Variants in MTUS2 observed in about 807,000 individuals in gnomAD.
MTUS2 encodes the protein microtubule-associated tumor suppressor candidate 2.
MTUS2 carries 40 observed loss-of-function variants against 114.1 expected under a neutral mutation model. The ratio of observed to expected loss-of-function variants is 0.35; its 90% CI spans 0.27 to 0.46. The LOEUF is 0.46. MTUS2 is among the 20% of genes least tolerant of loss of function. The probability of loss-of-function intolerance (pLI) is 1.00; values close to 1 mark genes in which losing one functional copy is unlikely to be tolerated. For synonymous variants in MTUS2, 688 were observed against 672.0 expected, an observed-to-expected ratio of 1.02 and a Z score of -0.37; for missense variants, 1,679 against 1,705.4, an observed-to-expected ratio of 0.98 and a Z score of 0.27.
chr13:29,448,753 C>CT (rs71090255), intron 9 of MTUS2, among the ~76,000 whole-genome samples: 11,874 of 115,512 alleles, frequency 0.1, 1,079 homozygotes, highest in African/African-American at 0.23. Flanking sequence ...ACAGAGTGCT[C>CT]TTTTTTTTTT....
chr13:29,047,132 G>C (rs4769670), intron 4 of MTUS2, among the ~76,000 whole-genome samples: 10,420 of 152,276 alleles, frequency 0.068, 494 homozygotes, highest in African/African-American at 0.14. Flanking sequence ...AGGATTTTGA[G>C]CATCATTCGT....
intron 2 of MTUS2, among the ~76,000 whole-genome samples, chr13:28,997,468 C>A (rs1451027008): frequency 6.6e-6 from 1 of 152,170 alleles, no homozygotes; most frequent in African/African-American, 2.4e-5. Context: ...TCTCGTTGAT[C>A]TGTCTAATGT....
chr13:28,928,956 A>G (rs1881471888), intron 2 of MTUS2, among the ~76,000 whole-genome samples: 1 of 152,232 alleles, frequency 6.6e-6, no homozygotes, highest in Admixed American at 6.5e-5. Context: ...GCACACATAC[A>G]TATATACACA....
chr13:29,387,069 G>T (rs868084136), intron 8 of MTUS2, among the ~76,000 whole-genome samples: 1 of 152,210 alleles, frequency 6.6e-6, no homozygotes, highest in Admixed American at 6.5e-5. Context: ...GCTAGGCACT[G>T]GGGATTGAAT....
At chr13:28,857,829 C>T (rs1876731605) in intron 2 of MTUS2, among the ~76,000 whole-genome samples, 1 of 152,214 alleles carries the variant, frequency 6.6e-6, no homozygotes, top group Non-Finnish European at 1.5e-5. Context: ...TCCAGCATTA[C>T]CCATCATCAT....
At chr13:29,259,347 A>G (rs556221209) in intron 5 of MTUS2, among the ~76,000 whole-genome samples, 86 of 152,256 alleles carry the variant, frequency 5.6e-4, no homozygotes, top group African/African-American at 2.0e-3. Flanking sequence ...AACTGAAGAG[A>G]GAGAAGAGTG....
rs1349726360 is a variant in MTUS2 at position 28,882,066 on chromosome 13, A to G, written c.-243+42216A>G. Reference sequence around the variant, plus strand: ...CACCATGTGTACAAAAATTATTTCAATTTTTTTTTTTGAGACGGAGTCTTG... The same window carrying G: ...CACCATGTGTACAAAAATTATTTCAGTTTTTTTTTTTGAGACGGAGTCTTG... On this transcript the variant is annotated intron_variant, in intron 2 of 15. Transcript: ENST00000612955. Among the ~76,000 whole-genome samples the G allele has an allele frequency of 2.0e-5, 3 of 148,966 alleles. No individual in the cohort carries two copies. The East Asian group carries it at 5.9e-4, about 29-fold the overall frequency.
At chr13:28,844,855 G>T (rs1875760740) in intron 2 of MTUS2, among the ~76,000 whole-genome samples, 1 of 152,174 alleles carries the variant, frequency 6.6e-6, no homozygotes, top group Admixed American at 6.5e-5. Flanking sequence ...GAGCTCAGGA[G>T]ATCTGTCTGC....
At chr13:29,177,955 C>T (rs1194432601) in intron 5 of MTUS2, among the ~76,000 whole-genome samples, 1 of 152,128 alleles carries the variant, frequency 6.6e-6, no homozygotes, top group Non-Finnish European at 1.5e-5. Context: ...AAAGAAGATA[C>T]AAAATTTTGA....
intron 5 of MTUS2, among the ~76,000 whole-genome samples, chr13:29,204,727 C>T (rs966619876): frequency 4.6e-5 from 7 of 152,300 alleles, no homozygotes; most frequent in Non-Finnish European, 7.3e-5. Flanking sequence ...GTAGTCGGAA[C>T]GTTCCCTTAG....
In MTUS2 at chr13:29,025,862, G is replaced by T. The variant is rs1000930213; in HGVS notation, c.1164G>T (p.Glu388Asp). 2.5e-6 allele frequency: 4 copies of T among 1,613,190 alleles called. No homozygotes were observed. Among genetic ancestry groups the T allele is most frequent in the Non-Finnish European group, 3.4e-6 (4 of 1,179,546 alleles). Residue 388 changes from glutamate (E) to aspartate (D), a missense_variant, in exon 3 of 16, where the codon GAG becomes GAT. By Grantham distance (45) the Glu-to-Asp change is conservative. Coordinates refer to ENST00000612955, the MANE Select transcript of MTUS2 (RefSeq NM_001033602.4). ...CEEKRGVNPGEQDSLHTTPKQ... is the reference protein window; with the variant it reads ...CEEKRGVNPGDQDSLHTTPKQ... ...AGAAGAGAGGAGTCAACCCAGGGGA[G>T]CAGGATTCTCTCCACACCACCCCCA...
intron 5 of MTUS2, among the ~76,000 whole-genome samples, chr13:29,191,688 A>G (rs1566057323): frequency 6.6e-6 from 1 of 152,112 alleles, no homozygotes; most frequent in Non-Finnish European, 1.5e-5. Context: ...TGTGAAGCAA[A>G]CTGTCAGCCC....
intron 4 of MTUS2, among the ~76,000 whole-genome samples, chr13:29,040,258 G>C (rs1037223909): frequency 2.0e-5 from 3 of 152,126 alleles, no homozygotes; most frequent in African/African-American, 7.2e-5. Flanking sequence ...TTAGAATAAT[G>C]GTCTCCAACT....
intron 4 of MTUS2, among the ~76,000 whole-genome samples, chr13:29,049,438 A>G (rs992154729): frequency 1.3e-5 from 2 of 152,212 alleles, no homozygotes; most frequent in Non-Finnish European, 2.9e-5. Flanking sequence ...TCATATGCCA[A>G]ACATCATCTG....
intron 7 of MTUS2, among the ~76,000 whole-genome samples, chr13:29,336,760 G>C (rs767360136): frequency 6.6e-6 from 1 of 152,200 alleles, no homozygotes. Flanking sequence ...CCTTTCCCCA[G>C]ATGCTCTGTT....
chr13:29,432,009 TA>T (rs144388775), intron 8 of MTUS2, among the ~76,000 whole-genome samples: 21,708 of 128,932 alleles, frequency 0.17, 2,309 homozygotes, highest in East Asian at 0.48. Flanking sequence ...CACGCTCAGC[TA>T]TTTTTTTTTT....
At chr13:29,017,941 T>C (rs1365991120) in intron 2 of MTUS2, among the ~76,000 whole-genome samples, 2 of 152,184 alleles carry the variant, frequency 1.3e-5, no homozygotes, top group Non-Finnish European at 2.9e-5. Flanking sequence ...AAGACACACT[T>C]AACTATTTTA....
chr13:29,464,937 A>G (rs761400206), intron 9 of MTUS2, among the ~76,000 whole-genome samples: 2 of 152,222 alleles, frequency 1.3e-5, no homozygotes, highest in Non-Finnish European at 2.9e-5. Flanking sequence ...TTTGAGAAGC[A>G]CTGGCTTGGG....
intron 4 of MTUS2, among the ~76,000 whole-genome samples, chr13:29,064,754 T>C (rs1466252483): frequency 6.6e-6 from 1 of 152,114 alleles, no homozygotes; most frequent in African/African-American, 2.4e-5. Flanking sequence ...CCCTACCCAA[T>C]AGATATTTTT....
Sources: allele counts gnomAD v4.1 joint callset (sites outside exome capture counted in the v4.1 genomes callset), GRCh38; gene constraint gnomAD v4.1.1; transcripts MANE v1.5; gene names NCBI Gene and HGNC (gene_info 2026-07-23, HGNC 2026-07-21).